The following ZNF684 variants were observed in gnomAD, a reference collection of about 807,000 sequenced individuals.
The protein encoded by ZNF684 is zinc finger protein 684.
Under a neutral mutation model 12.8 loss-of-function variants are expected in ZNF684, and 13 were observed. That is an observed-to-expected ratio of 1.02 (90% confidence interval 0.66 to 1.62). The LOEUF (loss-of-function observed/expected upper bound fraction) is 1.62, where lower values mean the gene tolerates loss of function less well. ZNF684 is among the 40% of genes most tolerant of loss of function. ZNF684 has a pLI of 0.00. For missense variants in ZNF684, 384 were observed against 446.9 expected (o/e 0.86, Z 1.27); for synonymous variants, 118 against 151.8 (o/e 0.78, Z 1.64).
At chr1:40,544,993 T>G (rs1043559265) in intron 4 of ZNF684, 1 of 152,234 alleles carries the variant, frequency 6.6e-6, no homozygotes, top group Non-Finnish European at 1.5e-5. Flanking sequence ...TGTTGAGGAC[T>G]AGTGAAATGC....
chr1:40,546,404 C>T (rs1646048708), intron 4 of ZNF684, among the ~76,000 whole-genome samples, 158 bp from the exon 5 acceptor site: 1 of 152,202 alleles, frequency 6.6e-6, no homozygotes, highest in Non-Finnish European at 1.5e-5. Context: ...TGCTCCCATT[C>T]CCTCTTCAGC....
At chr1:40,535,592 G>T (rs201522283) in intron 2 of ZNF684, among the ~76,000 whole-genome samples, 15,928 of 126,812 alleles carry the variant, frequency 0.13, 1,797 homozygotes, top group African/African-American at 0.32. Context: ...GTAGATAGTT[G>T]TTTTTTTTTT....
chr1:40,540,299 G>A (rs567519220), intron 2 of ZNF684, among the ~76,000 whole-genome samples: 59 of 152,212 alleles, frequency 3.9e-4, no homozygotes, highest in Middle Eastern at 3.4e-3. Context: ...AAATGGATGG[G>A]GAGTTCAGTG....
At chr1:40,535,705 A>G (rs930035941) in intron 2 of ZNF684, among the ~76,000 whole-genome samples, 1 of 152,164 alleles carries the variant, frequency 6.6e-6, no homozygotes, top group Admixed American at 6.5e-5. Context: ...TGTCAGTAAT[A>G]TAATATATCT....
intron 4 of ZNF684, among the ~76,000 whole-genome samples, chr1:40,542,503 T>C (rs947567804): frequency 1.3e-5 from 2 of 152,180 alleles, no homozygotes; most frequent in South Asian, 4.1e-4. Flanking sequence ...TTCTTACTGC[T>C]TATTCACCTT....
At chr1:40,539,461 C>G (rs904663778) in intron 2 of ZNF684, among the ~76,000 whole-genome samples, 1 of 152,056 alleles carries the variant, frequency 6.6e-6, no homozygotes, top group Admixed American at 6.5e-5. Context: ...TTGCACCACT[C>G]CACTCCATTC....
intron 2 of ZNF684, among the ~76,000 whole-genome samples, chr1:40,533,618 T>A (rs911477428): frequency 2.6e-5 from 4 of 152,018 alleles, no homozygotes; most frequent in African/African-American, 7.2e-5. Context: ...TTCCCTAGAG[T>A]AAGAACATAG....
At position 40,541,063 on chromosome 1, in the gene ZNF684, CTG is replaced by C. The variant is rs566884902; in HGVS notation, c.142+354_142+355del. Among the ~76,000 whole-genome samples, 5 of 147,466 alleles carry C rather than the reference CTG, an allele frequency of 3.4e-5. No individual in the cohort carries two copies. In the East Asian group the frequency reaches 1.0e-3, roughly 31 times the overall value. On this transcript the variant is annotated intron_variant, in intron 3 of 4. Coordinates refer to ENST00000372699, the MANE Select transcript of ZNF684 (RefSeq NM_152373.4). ...AAAAAAAAAAAAAATCGTATGAAAACTGTGAGCATTCTGAAGCATTAATCAGC... is the reference window on the plus strand; with the variant it reads ...AAAAAAAAAAAAAATCGTATGAAAACTGAGCATTCTGAAGCATTAATCAGC...
chr1:40,533,687 C>G (rs3927645), intron 2 of ZNF684, among the ~76,000 whole-genome samples: 1 of 152,138 alleles, frequency 6.6e-6, no homozygotes, highest in South Asian at 2.1e-4. Flanking sequence ...CTTTTTAATG[C>G]CCACCTGGAT....
intron 4 of ZNF684, among the ~76,000 whole-genome samples, chr1:40,543,625 T>G (rs1646027919): frequency 6.6e-6 from 1 of 151,994 alleles, no homozygotes; most frequent in African/African-American, 2.4e-5. Context: ...CCCAGCTAAT[T>G]TTTGGTACTT....
chr1:40,540,450 C>A, intron 2 of ZNF684, 136 bp from the exon 3 acceptor site: 1 of 918,720 alleles, frequency 1.1e-6, no homozygotes, highest in Non-Finnish European at 1.6e-6. Flanking sequence ...ATTTCCGAAT[C>A]AAGCATGTAA....
chr1:40,538,193 A>T (rs1645995335), intron 2 of ZNF684, among the ~76,000 whole-genome samples: 1 of 151,880 alleles, frequency 6.6e-6, no homozygotes, highest in Admixed American at 6.6e-5. Flanking sequence ...GAGTCTTGGT[A>T]TGTTGTCCAG....
Position 40,547,319 on chromosome 1 carries a change from T to C in ZNF684, c.996T>C (p.Cys332=). 3.1e-6 allele frequency: 5 copies of C among 1,614,040 alleles called. No homozygotes were observed. The highest frequency in any genetic ancestry group is 1.7e-5 in the Admixed American group (1 of 60,004). ...TGEKPYSCIE[C]GKAFIKKSHL... Reference sequence around the variant, plus strand: ...AGAAACCTTACAGTTGTATTGAATGTGGCAAAGCCTTCATCAAGAAGTCCC... The same window carrying C: ...AGAAACCTTACAGTTGTATTGAATGCGGCAAAGCCTTCATCAAGAAGTCCC... Residue 332 remains cysteine, a synonymous_variant, in exon 5 of 5, where the codon TGT becomes TGC. Coordinates refer to ENST00000372699, the MANE Select transcript of ZNF684 (RefSeq NM_152373.4).
chr1:40,534,738 T>C (rs1645975407), intron 2 of ZNF684, among the ~76,000 whole-genome samples: 1 of 151,788 alleles, frequency 6.6e-6, no homozygotes, highest in East Asian at 1.9e-4. Flanking sequence ...CATGCCTATA[T>C]TCCCAGCACT....
intron 2 of ZNF684, among the ~76,000 whole-genome samples, chr1:40,538,879 T>C (rs1322279576): frequency 2.0e-5 from 3 of 151,514 alleles, no homozygotes; most frequent in South Asian, 2.1e-4. Context: ...CTCTTTTCCA[T>C]AGTTACATGG....
rs57200329 is a variant in ZNF684, at chr1:40,541,030, C to CAAAAAA, written c.142+334_142+339dup. 1.0e-3 allele frequency among the ~76,000 whole-genome samples: 83 copies of CAAAAAA among 79,390 alleles called. No homozygotes were observed. The East Asian group carries it at 0.021, about 20-fold the overall frequency. 52.1% of individuals were successfully genotyped at this position (79,390 alleles called of 152,430 possible). Reference sequence around the variant, plus strand: ...TGGGTGACAGAGTGAGACCCTATCTCAAAAAAAAAAAAAAAAAAAAATCGT... The same window carrying CAAAAAA: ...TGGGTGACAGAGTGAGACCCTATCTCAAAAAAAAAAAAAAAAAAAAAAAAAAATCGT... On this transcript the variant is annotated intron_variant, in intron 3 of 4. Coordinates refer to ENST00000372699, the MANE Select transcript of ZNF684 (RefSeq NM_152373.4).
At chr1:40,545,413 C>T (rs972597738) in intron 4 of ZNF684, among the ~76,000 whole-genome samples, 14 of 152,064 alleles carry the variant, frequency 9.2e-5, no homozygotes, top group African/African-American at 3.4e-4. Flanking sequence ...TTGCTGAAGA[C>T]TGGTTTGTTA....
intron 2 of ZNF684, among the ~76,000 whole-genome samples, chr1:40,533,670 A>G (rs1405987939): frequency 1.3e-5 from 2 of 152,186 alleles, no homozygotes; most frequent in African/African-American, 4.8e-5. Flanking sequence ...AAGTCCAGGT[A>G]TGTGGCCTTT....
Position 40,540,726 on chromosome 1 carries a change from G to A in ZNF684, c.142+14G>A. On this transcript the variant is annotated intron_variant, in intron 3 of 4. Transcript: ENST00000372699. ...TCATCTCAGTGGGTAAGGACAATGA[G>A]TGGTAACTTTTCAGTGTAATTCAGT... 1 of 1,581,936 alleles carries A rather than the reference G, an allele frequency of 6.3e-7. No homozygotes were observed. Among genetic ancestry groups the A allele is most frequent in the Non-Finnish European group, 8.6e-7 (1 of 1,165,462 alleles).
Sources: gnomAD v4.1 joint callset for allele counts (sites outside exome capture counted in the v4.1 genomes callset) on GRCh38, gnomAD v4.1.1 for gene constraint, MANE v1.5 for transcripts, NCBI Gene and HGNC (gene_info 2026-07-23, HGNC 2026-07-21) for gene names.